Variants in PIK3C2A observed in about 807,000 individuals in gnomAD.
The protein encoded by PIK3C2A is phosphatidylinositol 4-phosphate 3-kinase C2 domain-containing subunit alpha.
In PIK3C2A, 97 loss-of-function variants were observed where a neutral mutation model predicts 204.5. That is an observed-to-expected ratio of 0.47 (90% confidence interval 0.40 to 0.56). The LOEUF is 0.56. Among genes scored for constraint, PIK3C2A ranks in the 20% least tolerant of loss-of-function variants. The pLI, the probability that PIK3C2A is intolerant of heterozygous loss-of-function variation, is 0.00. For synonymous variants in PIK3C2A, 653 were observed against 664.4 expected (o/e 0.98, Z 0.26); for missense variants, 1,735 against 1,969.2 (o/e 0.88, Z 2.25).
In PIK3C2A at chr11:17,169,683, G is replaced by C; in HGVS notation, c.59C>G (p.Pro20Arg). Residue 20 changes from proline (P) to arginine (R), a missense_variant, in exon 2 of 33, where the codon CCA becomes CGA. Transcript: ENST00000691414. ...TTTGTCCACATCTTTTGCTCTTGTT[G>C]GTTCCGGATGTGAAGATGGACATTC... ...FKECPSSHPE[P>R]TRAKDVDKEE... The C allele has an allele frequency of 6.2e-7, 1 of 1,610,702 alleles. No homozygotes were observed. Among genetic ancestry groups the C allele is most frequent in the Non-Finnish European group, 8.5e-7 (1 of 1,179,886 alleles).
intron 22 of PIK3C2A, among the ~76,000 whole-genome samples, chr11:17,105,629 G>C (rs558579422): frequency 2.6e-5 from 4 of 152,158 alleles, no homozygotes; most frequent in African/African-American, 9.7e-5. Context: ...TCCCACATAT[G>C]AGTGGGAACA....
chr11:17,104,117 TG>T (rs1395293067), intron 23 of PIK3C2A, among the ~76,000 whole-genome samples: 1 of 152,184 alleles, frequency 6.6e-6, no homozygotes, highest in Admixed American at 6.5e-5. Flanking sequence ...GACATTAAAA[TG>T]GGAGTCTTCC....
chr11:17,153,813 C>G (rs1488988668), intron 3 of PIK3C2A, among the ~76,000 whole-genome samples: 1 of 152,190 alleles, frequency 6.6e-6, no homozygotes, highest in Non-Finnish European at 1.5e-5. Flanking sequence ...AACTGGCTCT[C>G]TAATTAAAAG....
At chr11:17,113,580 G>C (rs1251978392) in intron 20 of PIK3C2A, among the ~76,000 whole-genome samples, 1 of 150,444 alleles carries the variant, frequency 6.6e-6, no homozygotes, top group African/African-American at 2.5e-5. Context: ...TCAGGAGTTC[G>C]AGACCAGCCT....
chr11:17,129,176 T>C (rs1849616712), intron 13 of PIK3C2A, 124 bp downstream of exon 13: 2 of 700,496 alleles, frequency 2.9e-6, no homozygotes, highest in African/African-American at 1.8e-5. Context: ...TTTTATCACA[T>C]TAGAAAAACT....
At chr11:17,159,353 C>G (rs1401017240) in intron 2 of PIK3C2A, among the ~76,000 whole-genome samples, 1 of 152,182 alleles carries the variant, frequency 6.6e-6, no homozygotes, top group Non-Finnish European at 1.5e-5. Context: ...AATAAGAAAA[C>G]ACTGCCAATG....
intron 20 of PIK3C2A, among the ~76,000 whole-genome samples, chr11:17,114,112 T>TAAATAAATAAATAAAA (rs1432960018): frequency 4.0e-5 from 6 of 151,022 alleles, no homozygotes; most frequent in Non-Finnish European, 8.9e-5. Flanking sequence ...AATAAATAAA[T>TAAATAAATAAATAAAA]AAAAAGGTGA....
intron 22 of PIK3C2A, among the ~76,000 whole-genome samples, chr11:17,106,892 C>T (rs1025727099): frequency 6.6e-5 from 10 of 152,138 alleles, no homozygotes; most frequent in African/African-American, 2.4e-4. Context: ...TTAGCACTTT[C>T]GAAAGGAAGA....
At chr11:17,164,970 G>C (rs917506009) in intron 2 of PIK3C2A, among the ~76,000 whole-genome samples, 5 of 152,070 alleles carry the variant, frequency 3.3e-5, no homozygotes, top group African/African-American at 9.7e-5. Flanking sequence ...TAAATGTAGG[G>C]AGACTTACAT....
At chr11:17,106,924 G>A (rs1306154069) in intron 22 of PIK3C2A, among the ~76,000 whole-genome samples, 1 of 152,160 alleles carries the variant, frequency 6.6e-6, no homozygotes, top group African/African-American at 2.4e-5. Context: ...CTGACCTTGT[G>A]ATATGATTAA....
intron 13 of PIK3C2A, among the ~76,000 whole-genome samples, chr11:17,124,195 T>C (rs1033435515): frequency 2.6e-5 from 4 of 152,140 alleles, no homozygotes; most frequent in Non-Finnish European, 5.9e-5. Flanking sequence ...GAACCACCCT[T>C]ACTTCCAACT....
chr11:17,108,124 G>A (rs568171595), intron 22 of PIK3C2A, among the ~76,000 whole-genome samples: 2 of 152,260 alleles, frequency 1.3e-5, no homozygotes, highest in East Asian at 1.9e-4. Context: ...TGCCCGCCTC[G>A]GCCTCCCAAA....
intron 13 of PIK3C2A, among the ~76,000 whole-genome samples, chr11:17,127,389 A>T (rs1396555246): frequency 1.3e-5 from 2 of 152,104 alleles, no homozygotes; most frequent in East Asian, 3.8e-4. Context: ...ACTCACAGCA[A>T]CCTCTGCCTC....
intron 11 of PIK3C2A, among the ~76,000 whole-genome samples, chr11:17,133,699 G>A (rs1373878074): frequency 6.6e-6 from 1 of 152,066 alleles, no homozygotes; most frequent in Non-Finnish European, 1.5e-5. Context: ...AGACCGAGGT[G>A]GGCAGATCAC....
intron 1 of PIK3C2A, among the ~76,000 whole-genome samples, chr11:17,176,315 A>G: frequency 6.6e-6 from 1 of 151,366 alleles, no homozygotes; most frequent in East Asian, 1.9e-4. Flanking sequence ...CTGGAACTGA[A>G]TATTATACCA....
At chr11:17,156,039 C>T (rs527859759) in intron 2 of PIK3C2A, among the ~76,000 whole-genome samples, 1 of 152,190 alleles carries the variant, frequency 6.6e-6, no homozygotes, top group Non-Finnish European at 1.5e-5. Flanking sequence ...CAACTAGGAC[C>T]CAAATCCCAA....
At chr11:17,116,938 C>T (rs142926835) in intron 19 of PIK3C2A, among the ~76,000 whole-genome samples, 163 of 152,236 alleles carry the variant, frequency 1.1e-3, no homozygotes, top group African/African-American at 3.7e-3. Flanking sequence ...CAAATGTCCA[C>T]CAACTGATGA....
chr11:17,163,456 A>G (rs1298044110), intron 2 of PIK3C2A, among the ~76,000 whole-genome samples: 1 of 152,192 alleles, frequency 6.6e-6, no homozygotes, highest in South Asian at 2.1e-4. Context: ...GCTGGAGTAC[A>G]AGGGCCTTAT....
At chr11:17,102,050 G>A (rs1236641483) in intron 24 of PIK3C2A, among the ~76,000 whole-genome samples, 2 of 152,112 alleles carry the variant, frequency 1.3e-5, no homozygotes, top group African/African-American at 4.8e-5. Flanking sequence ...TACAAACATA[G>A]AAAACTACTT....
Sources: allele counts gnomAD v4.1 joint callset (sites outside exome capture counted in the v4.1 genomes callset), GRCh38; gene constraint gnomAD v4.1.1; transcripts MANE v1.5; gene names NCBI Gene and HGNC (gene_info 2026-07-23, HGNC 2026-07-21).